Variants in DNM3 observed in about 807,000 individuals in gnomAD.
DNM3 encodes dynamin-3.
Under a neutral mutation model 101.6 loss-of-function variants are expected in DNM3, and 47 were observed. The ratio of observed to expected loss-of-function variants is 0.46; its 90% CI spans 0.37 to 0.59. DNM3 has a LOEUF of 0.59. Among genes scored for constraint, DNM3 ranks in the 20% least tolerant of loss-of-function variants. The pLI is 0.00. For missense variants in DNM3, 849 were observed against 1,085.7 expected, an observed-to-expected ratio of 0.78 and a Z score of 3.06; for synonymous variants, 385 against 387.9, an observed-to-expected ratio of 0.99 and a Z score of 0.09.
chr1:172,356,177 C>T (rs996030710), intron 17 of DNM3, among the ~76,000 whole-genome samples: 7 of 151,492 alleles, frequency 4.6e-5, no homozygotes, highest in Non-Finnish European at 8.8e-5. Context: ...ATAAAAGGAA[C>T]GAAACGAAAA....
At chr1:171,987,243 A>G (rs962207013) in intron 2 of DNM3, 3 of 946,670 alleles carry the variant, frequency 3.2e-6, no homozygotes, top group African/African-American at 3.5e-5. Context: ...ATATATTTAT[A>G]TAACTTGGCA....
chr1:172,003,646 T>C (rs183517452), intron 4 of DNM3, among the ~76,000 whole-genome samples: 3 of 151,964 alleles, frequency 2.0e-5, no homozygotes, highest in African/African-American at 7.2e-5. Flanking sequence ...AGAAAAACTA[T>C]TTTTTTCCAT....
At chr1:172,298,994 G>T (rs960495934) in intron 15 of DNM3, among the ~76,000 whole-genome samples, 1 of 152,004 alleles carries the variant, frequency 6.6e-6, no homozygotes. Flanking sequence ...ATAGAAAGGG[G>T]AAAAATGTAT....
intron 12 of DNM3, among the ~76,000 whole-genome samples, chr1:172,087,074 C>CTCCA (rs2053582412): frequency 6.6e-6 from 1 of 152,286 alleles, no homozygotes; most frequent in African/African-American, 2.4e-5. Context: ...TACCACTCCA[C>CTCCA]TCCACTGAGA....
chr1:172,408,825 A>G lies in DNM3; in HGVS notation c.*984A>G, dbSNP rs1046247800. 3.0e-6 allele frequency: 3 copies of G among 985,076 alleles called. No individual in the cohort carries two copies. The highest frequency in any genetic ancestry group is 6.2e-5 in the Admixed American group (1 of 16,228). The allele number at this position is 985,076 out of a possible 1,614,324, so 61.0% of individuals were successfully genotyped here. On this transcript the variant is annotated 3_prime_UTR_variant, in exon 21 of 21. Transcript: ENST00000627582. ...TTTATCCTACCCTTGAAACAGGCTC[A>G]GTGTAACTGTATATCCATTCTAGGC...
chr1:171,979,913 T>G (rs1192934983), intron 2 of DNM3, among the ~76,000 whole-genome samples: 1 of 152,194 alleles, frequency 6.6e-6, no homozygotes, highest in African/African-American at 2.4e-5. Context: ...TAGTTTGCAT[T>G]TGGAGTTTTG....
intron 1 of DNM3, among the ~76,000 whole-genome samples, chr1:171,900,997 C>CAGCT (rs2038273185): frequency 1.3e-5 from 2 of 150,834 alleles, no homozygotes. Context: ...CCTGTAGTCC[C>CAGCT]AGCTGCTCGG....
intron 14 of DNM3, among the ~76,000 whole-genome samples, chr1:172,172,965 A>G (rs2059017213): frequency 6.6e-6 from 1 of 151,886 alleles, no homozygotes; most frequent in Admixed American, 6.6e-5. Context: ...TCTATCTATC[A>G]TTTGTGCTAT....
At chr1:171,961,098 T>G (rs1322487282) in intron 2 of DNM3, among the ~76,000 whole-genome samples, 2 of 152,158 alleles carry the variant, frequency 1.3e-5, no homozygotes, top group Non-Finnish European at 2.9e-5. Flanking sequence ...TCTGAGATGT[T>G]TCCAGACAGC....
At chr1:172,413,695 G>C (rs1324268374), downstream of DNM3, among the ~76,000 whole-genome samples, 2 of 152,200 alleles carry the variant, frequency 1.3e-5, no homozygotes, top group African/African-American at 2.4e-5. Context: ...AAATGCAGAA[G>C]ACAAGAAGGT....
chr1:172,097,718 A>C (rs181869558), intron 13 of DNM3, among the ~76,000 whole-genome samples: 1 of 152,330 alleles, frequency 6.6e-6, no homozygotes, highest in East Asian at 1.9e-4. Context: ...TGGGAAATTC[A>C]GTCAGATATC....
intron 2 of DNM3, among the ~76,000 whole-genome samples, chr1:171,977,351 A>G (rs1169138465): frequency 2.0e-5 from 3 of 152,244 alleles, no homozygotes; most frequent in Admixed American, 1.3e-4. Flanking sequence ...AGAGTAAAAT[A>G]TAAAACCACA....
chr1:172,340,642 C>T (rs563703484), intron 17 of DNM3, among the ~76,000 whole-genome samples: 2 of 152,226 alleles, frequency 1.3e-5, no homozygotes, highest in Middle Eastern at 6.8e-3. Context: ...GTAGAATTTC[C>T]CTTCACTAAA....
intron 14 of DNM3, among the ~76,000 whole-genome samples, chr1:172,159,369 C>T (rs1300313828): frequency 6.6e-6 from 1 of 152,020 alleles, no homozygotes; most frequent in Admixed American, 6.6e-5. Context: ...AAGTTCATCT[C>T]ACATTGAGTT....
intron 14 of DNM3, among the ~76,000 whole-genome samples, chr1:172,213,380 T>C (rs1481587210): frequency 6.6e-6 from 1 of 152,090 alleles, no homozygotes; most frequent in Non-Finnish European, 1.5e-5. Flanking sequence ...TTCCAGGTGC[T>C]GGTAATGTTC....
downstream of DNM3, among the ~76,000 whole-genome samples, chr1:172,414,531 A>C (rs1270483937): frequency 3.9e-5 from 6 of 152,244 alleles, no homozygotes; most frequent in African/African-American, 1.4e-4. Flanking sequence ...ACCATAGAAC[A>C]TCTCACAGAT....
At chr1:172,056,039 G>A (rs889444484) in intron 10 of DNM3, among the ~76,000 whole-genome samples, 2 of 152,222 alleles carry the variant, frequency 1.3e-5, no homozygotes, top group Non-Finnish European at 2.9e-5. Context: ...GGAAGTGCAA[G>A]GGGTCAGGGA....
intron 14 of DNM3, among the ~76,000 whole-genome samples, chr1:172,248,118 A>G (rs2148670423): frequency 6.6e-6 from 1 of 152,288 alleles, no homozygotes; most frequent in South Asian, 2.1e-4. Flanking sequence ...GGATTACCAC[A>G]GTACATTTAT....
intron 7 of DNM3, among the ~76,000 whole-genome samples, chr1:172,040,958 A>C (rs922177259): frequency 6.6e-6 from 1 of 152,142 alleles, no homozygotes; most frequent in Non-Finnish European, 1.5e-5. Flanking sequence ...CTGAAGAGGC[A>C]GCCAAAGCCA....
Sources: allele counts gnomAD v4.1 joint callset (sites outside exome capture counted in the v4.1 genomes callset), GRCh38; gene constraint gnomAD v4.1.1; transcripts MANE v1.5; gene names NCBI Gene and HGNC (gene_info 2026-07-23, HGNC 2026-07-21).